Variants in GNAS-AS1 observed in about 807,000 individuals in gnomAD.
GNAS-AS1 encodes GNAS antisense RNA 1 (non-protein coding).
intron 4 of GNAS-AS1, among the ~76,000 whole-genome samples, chr20:58,820,811 G>C (rs550936050): frequency 6.6e-6 from 1 of 152,316 alleles, no homozygotes; most frequent in African/African-American, 2.4e-5. Flanking sequence ...GCTATCATGA[G>C]AACAGCACAG....
At chr20:58,833,647 G>A (rs1358175685) in intron 4 of GNAS-AS1, among the ~76,000 whole-genome samples, 6 of 152,088 alleles carry the variant, frequency 3.9e-5, no homozygotes, top group African/African-American at 9.7e-5. Context: ...GGATGCACCC[G>A]GCTAGGGCAC....
chr20:58,824,929 C>G (rs2085509856), intron 4 of GNAS-AS1, among the ~76,000 whole-genome samples: 1 of 152,162 alleles, frequency 6.6e-6, no homozygotes, highest in Non-Finnish European at 1.5e-5. Flanking sequence ...TGGATGGGTT[C>G]TGTGAGAGGC....
intron 2 of GNAS-AS1, among the ~76,000 whole-genome samples, chr20:58,847,207 G>A (rs1384018405): frequency 6.6e-6 from 1 of 151,968 alleles, no homozygotes; most frequent in Non-Finnish European, 1.5e-5. Context: ...TTTTTAATCT[G>A]AGCATATCAA....
intron 1 of GNAS-AS1, among the ~76,000 whole-genome samples, chr20:58,849,282 C>A (rs1296692605): frequency 6.6e-6 from 1 of 152,152 alleles, no homozygotes; most frequent in Non-Finnish European, 1.5e-5. Flanking sequence ...ATGAGATGTG[C>A]TGAGTGGTTC....
intron 4 of GNAS-AS1, among the ~76,000 whole-genome samples, chr20:58,836,997 T>G (rs771105226): frequency 4.0e-5 from 6 of 151,862 alleles, no homozygotes; most frequent in Non-Finnish European, 7.4e-5. Context: ...TCGGTGTATC[T>G]ATATTAGTGA....
At chr20:58,839,555 C>T (rs1056259632) in intron 4 of GNAS-AS1, 15 of 405,442 alleles carry the variant, frequency 3.7e-5, no homozygotes, top group African/African-American at 2.9e-4. Flanking sequence ...AGGCCCCCCG[C>T]CCATCGCTTC....
intron 4 of GNAS-AS1, among the ~76,000 whole-genome samples, chr20:58,835,048 T>A (rs978648034): frequency 7.2e-5 from 11 of 151,776 alleles, no homozygotes; most frequent in Admixed American, 4.6e-4. Context: ...CCTAGAGAGC[T>A]GAGCCAAATG....
intron 2 of GNAS-AS1, among the ~76,000 whole-genome samples, chr20:58,848,549 A>T (rs370845697): frequency 5.9e-5 from 9 of 152,322 alleles, no homozygotes; most frequent in African/African-American, 1.7e-4. Flanking sequence ...GCAGATCCTA[A>T]AAAAGCCCCG....
chr20:58,848,546 C>A (rs2086029078), intron 2 of GNAS-AS1, among the ~76,000 whole-genome samples: 1 of 152,182 alleles, frequency 6.6e-6, no homozygotes, highest in African/African-American at 2.4e-5. Flanking sequence ...ATGGCAGATC[C>A]TAAAAAAGCC....
intron 4 of GNAS-AS1, chr20:58,823,999 C>G (rs758981970): frequency 7.5e-6 from 3 of 398,702 alleles, no homozygotes; most frequent in African/African-American, 4.1e-5. Context: ...AAATCCCCCA[C>G]AGGGAGATAC....
Position 58,840,642 on chromosome 20 carries a change from C to G in GNAS-AS1, n.819+1295G>C, listed in dbSNP as rs749569559. On this transcript the variant is annotated intron_variant and non_coding_transcript_variant, in intron 4 of 4. Coordinates refer to ENST00000424094, the Ensembl canonical transcript of GNAS-AS1. This position sits in a 1 kb window ranked among gnomAD's most constrained non-coding sequence, Gnocchi z 6.0. ...CCCGACGCCTCCCCAAGTCGCGCGCCGCCCAGCACTCAGGAGCCCCAGAGC... is the reference window on the plus strand; with the variant it reads ...CCCGACGCCTCCCCAAGTCGCGCGCGGCCCAGCACTCAGGAGCCCCAGAGC... The G allele has an allele frequency of 6.2e-7, 1 of 1,605,558 alleles. No homozygotes were observed. The highest frequency in any genetic ancestry group is 1.3e-5 in the African/African-American group (1 of 74,726).
At chr20:58,836,773 T>G (rs1011379177) in intron 4 of GNAS-AS1, among the ~76,000 whole-genome samples, 2 of 152,206 alleles carry the variant, frequency 1.3e-5, no homozygotes, top group Middle Eastern at 3.2e-3. Context: ...GGCATCTCAG[T>G]GCAGTCCCCC....
intron 4 of GNAS-AS1, among the ~76,000 whole-genome samples, chr20:58,828,665 A>G (rs1342245912): frequency 6.6e-6 from 1 of 152,224 alleles, no homozygotes; most frequent in Admixed American, 6.5e-5. Context: ...TCTCCCACTT[A>G]GCACTAGACT....
At chr20:58,839,352 C>G (rs1261289358) in intron 4 of GNAS-AS1, 5 of 398,670 alleles carry the variant, frequency 1.3e-5, no homozygotes, top group Non-Finnish European at 2.2e-5. Context: ...GCTTAATACT[C>G]GTGTATAGAC....
chr20:58,819,127 G>T (rs1191516914), exon 5 of GNAS-AS1: 1 of 398,666 alleles, frequency 2.5e-6, no homozygotes, highest in Non-Finnish European at 4.4e-6. Flanking sequence ...GAGGGCAAAG[G>T]TTAACTCCCA....
At position 58,840,920 on chromosome 20, in the gene GNAS-AS1, G is replaced by A. The variant is rs1481917992; in HGVS notation, n.819+1017C>T. The A allele has an allele frequency of 1.9e-6, 3 of 1,608,632 alleles. No homozygotes were observed. Among genetic ancestry groups the A allele is most frequent in the Admixed American group, 1.7e-5 (1 of 59,588 alleles). ...CCCACCGCTAAACTGGGGAGCCTGA[G>A]GGCGGTGTGGGAGCAGCGCAGGTGG... On this transcript the variant is annotated intron_variant and non_coding_transcript_variant, in intron 4 of 4. Transcript: ENST00000424094. This position sits in a 1 kb window ranked among gnomAD's most constrained non-coding sequence, Gnocchi z 6.0.
At chr20:58,822,757 G>A (rs907364036) in intron 4 of GNAS-AS1, among the ~76,000 whole-genome samples, 5 of 151,906 alleles carry the variant, frequency 3.3e-5, no homozygotes, top group African/African-American at 1.2e-4. Flanking sequence ...CTGAAGTCAG[G>A]AAACTGCCTT....
intron 4 of GNAS-AS1, among the ~76,000 whole-genome samples, chr20:58,830,196 TCACCATCATCACCACCACCACCACAC>T (rs1568899861): frequency 1.0e-5 from 1 of 98,624 alleles, no homozygotes; most frequent in African/African-American, 3.9e-5. Flanking sequence ...CACCACCACA[TCACCATCATCACCACCACCACCACAC>T]CACCATCACC....
Position 58,840,979 on chromosome 20 carries a change from G to T in GNAS-AS1, n.819+958C>A, listed in dbSNP as rs1307902400. ...TGAGAAGGAAAGGCAGGTCAGGGGCGAGTGGGAAGAGAGGAGGCTCAGCTG... is the reference window on the plus strand; with the variant it reads ...TGAGAAGGAAAGGCAGGTCAGGGGCTAGTGGGAAGAGAGGAGGCTCAGCTG... On this transcript the variant is annotated intron_variant and non_coding_transcript_variant, in intron 4 of 4. Coordinates refer to ENST00000424094, the Ensembl canonical transcript of GNAS-AS1. The surrounding 1 kb of genome is among the most constrained non-coding windows in gnomAD (Gnocchi z 6.0). The T allele has an allele frequency of 7.4e-7, 1 of 1,346,884 alleles. No individual in the cohort carries two copies. Among genetic ancestry groups the T allele is most frequent in the Non-Finnish European group, 1.0e-6 (1 of 963,722 alleles). The allele number at this position is 1,346,884 out of a possible 1,614,324, so 83.4% of individuals were successfully genotyped here.
Sources: allele counts gnomAD v4.1 joint callset (sites outside exome capture counted in the v4.1 genomes callset), GRCh38; gene constraint gnomAD v4.1.1; non-coding constraint Gnocchi (gnomAD v3.1); transcripts MANE v1.5; gene names NCBI Gene and HGNC (gene_info 2026-07-23, HGNC 2026-07-21).